The following DAB1 variants were observed in gnomAD, a reference collection of about 807,000 sequenced individuals.
DAB1 encodes the protein disabled homolog 1.
A neutral mutation model predicts 64.6 loss-of-function variants in DAB1; 15 were observed. That is an observed-to-expected ratio of 0.23 (90% CI 0.16 to 0.36). DAB1 has a LOEUF of 0.36. Among genes scored for constraint, DAB1 ranks in the 10% least tolerant of loss-of-function variants. The pLI is 1.00. For synonymous variants in DAB1, 235 were observed against 251.9 expected (o/e 0.93, Z 0.64); for missense variants, 596 against 706.7 (o/e 0.84, Z 1.78).
chr1:57,255,647 A>G (rs1236582955), intron 2 of DAB1, among the ~76,000 whole-genome samples: 24 of 152,180 alleles, frequency 1.6e-4, no homozygotes. Flanking sequence ...CAACAGAGAG[A>G]GACCCAGGTT....
At chr1:57,251,901 G>A (rs906424992) in intron 2 of DAB1, among the ~76,000 whole-genome samples, 1 of 152,194 alleles carries the variant, frequency 6.6e-6, no homozygotes, top group Non-Finnish European at 1.5e-5. Context: ...GACCTCTGTC[G>A]TGACAGCCCC....
In DAB1 at chr1:57,206,968, C is replaced by CTTTTT. The variant is rs201111039; in HGVS notation, c.68-61544_68-61540dup. Among the ~76,000 whole-genome samples, 228 of 84,466 alleles carry CTTTTT rather than the reference C, an allele frequency of 2.7e-3. 5 individuals are homozygous for CTTTTT. Among genetic ancestry groups the CTTTTT allele is most frequent in the Non-Finnish European group, 3.2e-3 (147 of 45,716 alleles). 55.4% of individuals were successfully genotyped at this position (84,466 alleles called of 152,430 possible). A position where few individuals can be genotyped will look rare whatever the true frequency, so the allele number is the denominator to read the frequency against. On this transcript the variant is annotated intron_variant, in intron 2 of 14. Coordinates refer to ENST00000371236, the MANE Select transcript of DAB1 (RefSeq NM_001365792.1). Reference sequence around the variant, plus strand: ...CTCTTTCTCTTTCTTTCCTTCCTTCCTTTTTTTTTTTTTTTTTTTTTTGGA... The same window carrying CTTTTT: ...CTCTTTCTCTTTCTTTCCTTCCTTCCTTTTTTTTTTTTTTTTTTTTTTTTTTTGGA...
At chr1:57,273,460 T>C (rs1049797592) in intron 2 of DAB1, among the ~76,000 whole-genome samples, 3 of 152,056 alleles carry the variant, frequency 2.0e-5, no homozygotes, top group African/African-American at 7.2e-5. Flanking sequence ...AGTACTCCAA[T>C]AAGACCTGGC....
intron 5 of DAB1, among the ~76,000 whole-genome samples, chr1:57,922,505 C>A (rs1378302020): frequency 6.6e-6 from 1 of 152,064 alleles, no homozygotes; most frequent in Non-Finnish European, 1.5e-5. Flanking sequence ...AGCCTAGTAT[C>A]TGGAGTAACT....
Position 57,813,756 on chromosome 1 carries a change from G to A in DAB1, n.551+70243C>T, listed in dbSNP as rs567251990. Among the ~76,000 whole-genome samples the A allele has an allele frequency of 8.7e-4, 132 of 152,246 alleles. 1 individual carries two copies. Among genetic ancestry groups the A allele is most frequent in the Non-Finnish European group, 2.4e-4 (16 of 68,002 alleles). On this transcript the variant is annotated intron_variant and non_coding_transcript_variant, in intron 6 of 20. Coordinates refer to the DAB1 transcript ENST00000485760. ...CAGTTTCTTTCCACGAGCCTGATCC[G>A]CTGCAGCTCTCCACCCTCGGTAGAG...
chr1:57,754,421 C>G (rs901700450), intron 6 of DAB1, among the ~76,000 whole-genome samples: 3 of 152,172 alleles, frequency 2.0e-5, no homozygotes, highest in Admixed American at 2.0e-4. Context: ...CACGGTGGCT[C>G]ATGCTTGTAA....
chr1:57,656,592 G>A (rs570359175), intron 6 of DAB1, among the ~76,000 whole-genome samples: 3 of 152,278 alleles, frequency 2.0e-5, no homozygotes, highest in Middle Eastern at 3.4e-3. Flanking sequence ...CTTGGAATAA[G>A]CCCAAAGTTC....
At chr1:57,619,709 A>C (rs1456606525) in intron 7 of DAB1, among the ~76,000 whole-genome samples, 1 of 152,106 alleles carries the variant, frequency 6.6e-6, no homozygotes, top group Non-Finnish European at 1.5e-5. Flanking sequence ...TTTTATAGAT[A>C]AAGAATTGGA....
chr1:57,511,647 T>G (rs1007620244), intron 7 of DAB1, among the ~76,000 whole-genome samples: 1 of 152,222 alleles, frequency 6.6e-6, no homozygotes, highest in Non-Finnish European at 1.5e-5. Context: ...GTAAGCTCCA[T>G]GAGGGCAAGA....
chr1:56,995,841 C>T lies in DAB1; in HGVS notation c.*2303G>A, dbSNP rs532004882. On this transcript the variant is annotated 3_prime_UTR_variant, in exon 15 of 15. Transcript: ENST00000371236. Reference sequence around the variant, plus strand: ...TCTCAGGCCAACTCTTATGGTCATTCCACCTTTCCCATCTTCCCGTTCATG... The same window carrying T: ...TCTCAGGCCAACTCTTATGGTCATTTCACCTTTCCCATCTTCCCGTTCATG... 6.6e-6 allele frequency: 1 copy of T among 152,204 alleles called. No homozygotes were observed. Among genetic ancestry groups the T allele is most frequent in the Non-Finnish European group, 1.5e-5 (1 of 68,044 alleles). The allele number at this position is 152,204 out of a possible 1,614,324, so 9.4% of individuals were successfully genotyped here. A position where few individuals can be genotyped will look rare whatever the true frequency, so the allele number is the denominator to read the frequency against.
At chr1:58,365,965 C>T (rs113436190) in intron 3 of DAB1, among the ~76,000 whole-genome samples, 2,231 of 152,174 alleles carry the variant, frequency 0.015, 55 homozygotes, top group African/African-American at 0.051. Context: ...TAGCGGGCAA[C>T]GAGAACCCCA....
chr1:57,438,243 T>C (rs1558379781), intron 7 of DAB1, among the ~76,000 whole-genome samples: 1 of 152,130 alleles, frequency 6.6e-6, no homozygotes, highest in East Asian at 1.9e-4. Context: ...AAATTACCTG[T>C]TTTCCTGCTA....
intron 4 of DAB1, among the ~76,000 whole-genome samples, chr1:58,154,794 A>G (rs1655133644): frequency 6.6e-6 from 1 of 152,218 alleles, no homozygotes; most frequent in Admixed American, 6.5e-5. Context: ...AGAACACTGT[A>G]TCAGTCAGAT....
rs865936701 is a variant in DAB1 at position 58,455,599 on chromosome 1, T to C, written n.257+50461A>G. 4.5e-4 allele frequency among the ~76,000 whole-genome samples: 69 copies of C among 152,382 alleles called. 1 individual carries two copies. The highest frequency in any genetic ancestry group is 3.1e-3 in the Admixed American group (47 of 15,302). On this transcript the variant is annotated intron_variant and non_coding_transcript_variant, in intron 3 of 20. Coordinates refer to the DAB1 transcript ENST00000485760. The stretch of plus-strand genomic sequence containing the variant: ...TCTTTGGGAATTGACTGTTTTTCTT[T>C]TCTATCACTACAAAGGGATACACAA...
rs752448743 is a variant in DAB1 at position 57,148,021 on chromosome 1, C to T, written c.68-2592G>A. Among the ~76,000 whole-genome samples the T allele has an allele frequency of 2.6e-5, 4 of 152,170 alleles. No homozygotes were observed. The South Asian group carries it at 8.3e-4, about 32-fold the overall frequency. On this transcript the variant is annotated intron_variant, in intron 2 of 14. Transcript: ENST00000371236. ...TTTTCTACGCAACTTTCTTATAAAGCCCCATCTTTATCTTGACCAAAACTC... is the reference window on the plus strand; with the variant it reads ...TTTTCTACGCAACTTTCTTATAAAGTCCCATCTTTATCTTGACCAAAACTC...
At chr1:57,512,407 G>C (rs1284238670) in intron 7 of DAB1, among the ~76,000 whole-genome samples, 2 of 152,168 alleles carry the variant, frequency 1.3e-5, no homozygotes, top group Non-Finnish European at 2.9e-5. Flanking sequence ...CAGAAAGGAA[G>C]AGAACAAAGA....
chr1:58,347,705 A>G (rs1475944211), intron 3 of DAB1, among the ~76,000 whole-genome samples: 1 of 152,196 alleles, frequency 6.6e-6, no homozygotes, highest in African/African-American at 2.4e-5. Flanking sequence ...AAACCCTGCA[A>G]ACAACATTCC....
At chr1:57,737,933 T>C (rs1033327472) in intron 6 of DAB1, among the ~76,000 whole-genome samples, 1 of 152,208 alleles carries the variant, frequency 6.6e-6, no homozygotes, top group Non-Finnish European at 1.5e-5. Flanking sequence ...AAGCAGCAGG[T>C]CACTCTAAAA....
At chr1:58,431,558 G>GGA (rs770993481) in intron 3 of DAB1, among the ~76,000 whole-genome samples, 3 of 76,278 alleles carry the variant, frequency 3.9e-5, no homozygotes, top group African/African-American at 1.5e-4. Flanking sequence ...ACTCCATCTG[G>GGA]AAAAAAAAAA....
Sources: gnomAD v4.1 joint callset for allele counts (sites outside exome capture counted in the v4.1 genomes callset) on GRCh38, gnomAD v4.1.1 for gene constraint, MANE v1.5 for transcripts, NCBI Gene and HGNC (gene_info 2026-07-23, HGNC 2026-07-21) for gene names.